GPR89A: variants seen among roughly 807,000 people sequenced by gnomAD.
GPR89A encodes G protein-coupled receptor 89A.
In GPR89A, 16 loss-of-function variants were observed where a neutral mutation model predicts 52.0. That is an observed-to-expected ratio of 0.31 (90% CI 0.21 to 0.47). The LOEUF is 0.47. Among genes scored for constraint, GPR89A ranks in the 20% least tolerant of loss-of-function variants. The pLI, the probability that GPR89A is intolerant of heterozygous loss-of-function variation, is 1.00. For missense variants in GPR89A, 135 were observed against 449.4 expected (o/e 0.30, Z 6.33); for synonymous variants, 55 against 150.9 (o/e 0.36, Z 4.66).
At chr1:145,628,147 A>G (rs1571487697) in intron 5 of GPR89A, among the ~76,000 whole-genome samples, 1 of 151,564 alleles carries the variant, frequency 6.6e-6, no homozygotes, top group Non-Finnish European at 1.5e-5. Flanking sequence ...ATCAGTCCTC[A>G]TAGAGATGAC....
intron 10 of GPR89A, among the ~76,000 whole-genome samples, chr1:145,658,688 T>C (rs2101831537): frequency 6.6e-6 from 1 of 151,040 alleles, no homozygotes; most frequent in East Asian, 1.9e-4. Flanking sequence ...GTACACCACA[T>C]TTTTTATCCA....
chr1:145,649,569 G>A lies in GPR89A; in HGVS notation c.909+2302G>A, dbSNP rs373936164. ...TTCATCTGATGATGAATATTTGGTTGTTTCCAGTTGGGGGATATTACAGAT... is the reference window on the plus strand; with the variant it reads ...TTCATCTGATGATGAATATTTGGTTATTTCCAGTTGGGGGATATTACAGAT... On this transcript the variant is annotated intron_variant, in intron 10 of 13. Coordinates refer to ENST00000313835, the MANE Select transcript of GPR89A (RefSeq NM_001097612.2). Among the ~76,000 whole-genome samples the A allele has an allele frequency of 1.1e-4, 17 of 152,000 alleles. No individual in the cohort carries two copies. The East Asian group carries it at 2.7e-3, about 24-fold the overall frequency.
intron 2 of GPR89A, among the ~76,000 whole-genome samples, chr1:145,617,426 G>A (rs1407466528): frequency 6.6e-6 from 1 of 151,656 alleles, no homozygotes; most frequent in Non-Finnish European, 1.5e-5. Flanking sequence ...TACAGTTAAC[G>A]CAATCATCAC....
At chr1:145,662,926 T>C (rs1652301676) in intron 10 of GPR89A, among the ~76,000 whole-genome samples, 1 of 151,542 alleles carries the variant, frequency 6.6e-6, no homozygotes. Context: ...TGTTGACTTA[T>C]TAGCTATAAC....
intron 10 of GPR89A, among the ~76,000 whole-genome samples, chr1:145,657,892 A>G (rs1651916442): frequency 6.6e-6 from 1 of 150,680 alleles, no homozygotes; most frequent in South Asian, 2.1e-4. Flanking sequence ...CAATATACTC[A>G]TTTAGTGTAT....
At chr1:145,648,403 G>A (rs1651192759) in intron 10 of GPR89A, among the ~76,000 whole-genome samples, 1 of 151,276 alleles carries the variant, frequency 6.6e-6, no homozygotes, top group Non-Finnish European at 1.5e-5. Flanking sequence ...CATTCAGTGG[G>A]AGATAATGAA....
intron 5 of GPR89A, among the ~76,000 whole-genome samples, chr1:145,626,957 A>AAAG (rs1649551802): frequency 6.7e-6 from 1 of 148,434 alleles, no homozygotes; most frequent in South Asian, 2.2e-4. Flanking sequence ...TACAAAAAAA[A>AAAG]AAAAAAAGAT....
At chr1:145,617,221 G>A (rs1648768548) in intron 2 of GPR89A, among the ~76,000 whole-genome samples, 1 of 152,100 alleles carries the variant, frequency 6.6e-6, no homozygotes, top group African/African-American at 2.4e-5. Flanking sequence ...TTCCTTGCTG[G>A]AAAAAGAATT....
At position 145,647,051 on chromosome 1, in the gene GPR89A, A is replaced by G; in HGVS notation, c.817-124A>G. 4.1e-6 allele frequency: 6 copies of G among 1,462,232 alleles called. No individual in the cohort carries two copies. The South Asian group carries it at 8.0e-5, about 20-fold the overall frequency. The allele number at this position is 1,462,232 out of a possible 1,614,324, so 90.6% of individuals were successfully genotyped here. On this transcript the variant is annotated intron_variant, in intron 9 of 13. Coordinates refer to ENST00000313835, the MANE Select transcript of GPR89A (RefSeq NM_001097612.2). ...GGCCACAACTACTGTTATTAGTTTA[A>G]TATTATTACAATGTATGGTTTTTTG...
At chr1:145,611,897 G>A (rs749173420) in intron 1 of GPR89A, among the ~76,000 whole-genome samples, 1 of 151,672 alleles carries the variant, frequency 6.6e-6, no homozygotes, top group South Asian at 2.1e-4. Context: ...TTTTCTGCTT[G>A]ATCTAGATGC....
At chr1:145,666,845 T>A (rs1263191951) in intron 12 of GPR89A, among the ~76,000 whole-genome samples, 1 of 152,020 alleles carries the variant, frequency 6.6e-6, no homozygotes, top group Admixed American at 6.6e-5. Context: ...AGAATGATGG[T>A]TTCCAGCTTC....
At chr1:145,624,615 G>T (rs1431898707) in intron 5 of GPR89A, among the ~76,000 whole-genome samples, 10 of 150,314 alleles carry the variant, frequency 6.7e-5, no homozygotes, top group Non-Finnish European at 1.5e-4. Context: ...AAAGCAGAAA[G>T]TGATTAATTA....
chr1:145,608,065 C>A lies in GPR89A; in HGVS notation c.-69C>A, dbSNP rs587769864. 2.5e-6 allele frequency: 4 copies of A among 1,593,410 alleles called. No individual in the cohort carries two copies. The highest frequency in any genetic ancestry group is 1.4e-5 in the African/African-American group (1 of 73,788). ...GAGAAGGCAGACCGTGTGAGGGGGC[C>A]TGTGGCCCCAGCGTGCTGTGGCCTC... On this transcript the variant is annotated 5_prime_UTR_variant, in exon 1 of 14. The change creates a new upstream start codon in the 5' untranslated region. Transcript: ENST00000313835.
At chr1:145,609,483 C>G (rs587651018) in intron 1 of GPR89A, among the ~76,000 whole-genome samples, 4 of 152,220 alleles carry the variant, frequency 2.6e-5, no homozygotes, top group South Asian at 2.1e-4. Context: ...TGTAAAAAAA[C>G]CTAGACATGT....
At position 145,647,088 on chromosome 1, in the gene GPR89A, A is replaced by G. The variant is rs1253143166; in HGVS notation, c.817-87A>G. 5 of 1,526,214 alleles carry G rather than the reference A, an allele frequency of 3.3e-6. No homozygotes were observed. The African/African-American group carries it at 5.6e-5, about 17-fold the overall frequency. The allele number at this position is 1,526,214 out of a possible 1,614,324, so 94.5% of individuals were successfully genotyped here. On this transcript the variant is annotated intron_variant, in intron 9 of 13. Transcript: ENST00000313835. ...TGTATGGTTTTTTGACTTAGCCTGA[A>G]CAGTGATTCATAGAGGGAAGAATAC...
At chr1:145,663,497 C>G in intron 11 of GPR89A, 73 bp downstream of exon 11, 2 of 1,598,606 alleles carry the variant, frequency 1.3e-6, no homozygotes, top group South Asian at 1.1e-5. Flanking sequence ...TGTTAAGATT[C>G]TAATTTGTAT....
intron 12 of GPR89A, among the ~76,000 whole-genome samples, chr1:145,667,870 G>T (rs1441705456): frequency 3.2e-4 from 48 of 152,216 alleles, no homozygotes; most frequent in African/African-American, 1.0e-3. Flanking sequence ...TTGTCAAAGA[G>T]CAGATGGTTG....
chr1:145,650,216 A>G (rs1423519391), intron 10 of GPR89A, among the ~76,000 whole-genome samples: 2 of 150,154 alleles, frequency 1.3e-5, no homozygotes, highest in Non-Finnish European at 3.0e-5. Context: ...GTTCCCACTT[A>G]TAAGTGAGAA....
chr1:145,615,036 TAAG>T (rs1292069414), intron 1 of GPR89A, among the ~76,000 whole-genome samples: 1 of 152,192 alleles, frequency 6.6e-6, no homozygotes, highest in Non-Finnish European at 1.5e-5. Context: ...CTAGCCAGTT[TAAG>T]AAGAAAAGAG....
Sources: allele counts gnomAD v4.1 joint callset (sites outside exome capture counted in the v4.1 genomes callset), GRCh38; gene constraint gnomAD v4.1.1; transcripts MANE v1.5; gene names NCBI Gene and HGNC (gene_info 2026-07-23, HGNC 2026-07-21).